GAREM1: variants seen among roughly 807,000 people sequenced by gnomAD.
GAREM1 encodes GRB2 associated regulator of MAPK1 subtype 1.
GAREM1 carries 26 observed loss-of-function variants against 71.3 expected under a neutral mutation model. The ratio of observed to expected loss-of-function variants is 0.36; its 90% confidence interval spans 0.27 to 0.51. The LOEUF is 0.51. Among genes scored for constraint, GAREM1 ranks in the 20% least tolerant of loss-of-function variants. The probability of loss-of-function intolerance (pLI) is 0.95; values close to 1 mark genes in which losing one functional copy is unlikely to be tolerated. For missense variants in GAREM1, 1,026 were observed against 1,103.1 expected (o/e 0.93, Z 0.99); for synonymous variants, 440 against 433.2 (o/e 1.02, Z -0.20).
chr18:32,463,782 G>A (rs893696156), intron 1 of GAREM1, among the ~76,000 whole-genome samples: 2 of 151,618 alleles, frequency 1.3e-5, no homozygotes, highest in South Asian at 4.2e-4. Context: ...TGTTAGCCTG[G>A]ATGATCTTGA....
chr18:32,313,809 C>T (rs557654050), intron 2 of GAREM1, among the ~76,000 whole-genome samples: 2 of 152,180 alleles, frequency 1.3e-5, no homozygotes, highest in East Asian at 1.9e-4. Context: ...AAAAATAGAG[C>T]TGCCACCTGA....
At chr18:32,333,791 TC>T (rs2047560899) in intron 2 of GAREM1, among the ~76,000 whole-genome samples, 2 of 152,202 alleles carry the variant, frequency 1.3e-5, no homozygotes, top group Non-Finnish European at 2.9e-5. Context: ...GTATTTTTTT[TC>T]CTCCTCAGTT....
At chr18:32,341,253 T>C (rs1414155794) in intron 2 of GAREM1, among the ~76,000 whole-genome samples, 5 of 152,184 alleles carry the variant, frequency 3.3e-5, no homozygotes, top group Admixed American at 1.3e-4. Flanking sequence ...CTTGCGATAG[T>C]TTGCTGAGAA....
At chr18:32,396,978 C>T (rs538579579) in intron 1 of GAREM1, among the ~76,000 whole-genome samples, 1 of 152,248 alleles carries the variant, frequency 6.6e-6, no homozygotes, top group Non-Finnish European at 1.5e-5. Flanking sequence ...CTCTACAAGC[C>T]AGAAGAGAGT....
intron 1 of GAREM1, among the ~76,000 whole-genome samples, chr18:32,440,199 A>G (rs558655609): frequency 1.3e-5 from 2 of 152,322 alleles, no homozygotes; most frequent in South Asian, 4.1e-4. Context: ...ATTAAATCAA[A>G]AAGTCTTGAC....
intron 1 of GAREM1, among the ~76,000 whole-genome samples, chr18:32,396,362 T>TA (rs1227608563): frequency 6.6e-5 from 10 of 152,156 alleles, no homozygotes; most frequent in South Asian, 2.1e-4. Flanking sequence ...TTCTCTGAGC[T>TA]AAAGGAGGAA....
intron 2 of GAREM1, among the ~76,000 whole-genome samples, chr18:32,336,244 A>C (rs567755387): frequency 6.6e-6 from 1 of 151,868 alleles, no homozygotes; most frequent in Non-Finnish European, 1.5e-5. Flanking sequence ...TCCTGGCTAA[A>C]ACGGTGAAAC....
intron 1 of GAREM1, among the ~76,000 whole-genome samples, chr18:32,466,147 C>T (rs1469317567): frequency 2.0e-5 from 3 of 151,510 alleles, no homozygotes; most frequent in African/African-American, 7.3e-5. Context: ...AAAATAAATA[C>T]GAAATACTAG....
intron 2 of GAREM1, among the ~76,000 whole-genome samples, chr18:32,318,642 G>A (rs1352583956): frequency 2.0e-5 from 3 of 152,136 alleles, no homozygotes; most frequent in Non-Finnish European, 4.4e-5. Flanking sequence ...CTCACTGTTC[G>A]CCATCACCAG....
At chr18:32,292,900 T>C (rs572846078) in intron 3 of GAREM1, among the ~76,000 whole-genome samples, 76 of 152,288 alleles carry the variant, frequency 5.0e-4, no homozygotes, top group Non-Finnish European at 9.3e-4. Flanking sequence ...TTGTTTTTCA[T>C]AGGGATATGG....
At position 32,470,773 on chromosome 18, in the gene GAREM1, G is replaced by A. The variant is rs2049047275; in HGVS notation, c.-345C>T. ...CTGGCCCTGGGTCTGCAGCTGCGGCGGCCGCCCGCTCGCCTCCTCCTCCTC... is the reference window on the plus strand; with the variant it reads ...CTGGCCCTGGGTCTGCAGCTGCGGCAGCCGCCCGCTCGCCTCCTCCTCCTC... On this transcript the variant is annotated 5_prime_UTR_variant, in exon 1 of 6. Coordinates refer to ENST00000269209, the MANE Select transcript of GAREM1 (RefSeq NM_001242409.2). The surrounding 1 kb of genome is among the most constrained non-coding windows in gnomAD (Gnocchi z 4.4). 6.7e-6 allele frequency among the ~76,000 whole-genome samples: 1 copy of A among 149,820 alleles called. No homozygotes were observed. The highest frequency in any genetic ancestry group is 1.5e-5 in the Non-Finnish European group (1 of 67,048).
At chr18:32,289,470 T>G (rs139454182) in intron 3 of GAREM1, among the ~76,000 whole-genome samples, 1 of 151,972 alleles carries the variant, frequency 6.6e-6, no homozygotes, top group Non-Finnish European at 1.5e-5. Context: ...TTTAGATCTC[T>G]TACTGATTAC....
intron 2 of GAREM1, among the ~76,000 whole-genome samples, chr18:32,320,774 A>G (rs1357118638): frequency 6.6e-6 from 1 of 152,194 alleles, no homozygotes; most frequent in Non-Finnish European, 1.5e-5. Flanking sequence ...CACACCATGC[A>G]AACTGGTTTC....
intron 1 of GAREM1, among the ~76,000 whole-genome samples, chr18:32,464,150 G>C (rs111986069): frequency 0.014 from 2,068 of 152,056 alleles, 41 homozygotes; most frequent in African/African-American, 0.047. Flanking sequence ...AATTAGTTGG[G>C]CGTGGTAGTG....
intron 3 of GAREM1, among the ~76,000 whole-genome samples, chr18:32,298,860 CTCTT>C (rs2047169388): frequency 6.6e-6 from 1 of 152,118 alleles, no homozygotes; most frequent in Non-Finnish European, 1.5e-5. Context: ...ATTTTCATTA[CTCTT>C]TCTTTTGGGA....
chr18:32,354,924 A>G (rs1346748327), intron 2 of GAREM1, among the ~76,000 whole-genome samples: 1 of 152,242 alleles, frequency 6.6e-6, no homozygotes, highest in Non-Finnish European at 1.5e-5. Flanking sequence ...AGAAAATTCC[A>G]TATACAAAAT....
chr18:32,384,657 C>T (rs2048128475), intron 2 of GAREM1, among the ~76,000 whole-genome samples: 2 of 152,134 alleles, frequency 1.3e-5, no homozygotes, highest in African/African-American at 2.4e-5. Context: ...AGGATATTTT[C>T]CCTCATACTA....
intron 1 of GAREM1, among the ~76,000 whole-genome samples, chr18:32,398,533 A>G (rs1310281614): frequency 1.3e-5 from 2 of 152,212 alleles, no homozygotes; most frequent in Non-Finnish European, 2.9e-5. Context: ...AGAATACTAT[A>G]AACACCTCTA....
intron 1 of GAREM1, chr18:32,412,219 A>G: frequency 6.4e-7 from 1 of 1,572,144 alleles, no homozygotes; most frequent in Non-Finnish European, 8.6e-7. Flanking sequence ...CCTAATTAAA[A>G]TCTTCTGCCA....
Sources: allele counts gnomAD v4.1 joint callset (sites outside exome capture counted in the v4.1 genomes callset), GRCh38; gene constraint gnomAD v4.1.1; non-coding constraint Gnocchi (gnomAD v3.1); transcripts MANE v1.5; gene names NCBI Gene and HGNC (gene_info 2026-07-23, HGNC 2026-07-21).